The following RALGPS1 variants were observed in gnomAD, a reference collection of about 807,000 sequenced individuals.
The protein encoded by RALGPS1 is Ral GEF with PH domain and SH3 binding motif 1.
In RALGPS1, 19 loss-of-function variants were observed where a neutral mutation model predicts 78.8. That is an observed-to-expected ratio of 0.24 (90% CI 0.17 to 0.35). The LOEUF is 0.35. Among genes scored for constraint, RALGPS1 ranks in the 10% least tolerant of loss-of-function variants. RALGPS1 has a pLI of 1.00. For synonymous variants in RALGPS1, 228 were observed against 256.3 expected (o/e 0.89, Z 1.06); for missense variants, 454 against 688.3 (o/e 0.66, Z 3.81).
chr9:127,080,241 G>GA (rs2051053410), intron 8 of RALGPS1, among the ~76,000 whole-genome samples: 2 of 152,190 alleles, frequency 1.3e-5, no homozygotes, highest in African/African-American at 4.8e-5. Flanking sequence ...GTACTCAAGG[G>GA]AAACAAAGAT....
At chr9:127,094,304 G>A (rs948288841) in intron 8 of RALGPS1, among the ~76,000 whole-genome samples, 7 of 152,078 alleles carry the variant, frequency 4.6e-5, no homozygotes, top group African/African-American at 1.2e-4. Context: ...GATCTTTTTC[G>A]TGTTCATTAT....
chr9:127,033,931 A>G (rs1419274490), intron 4 of RALGPS1, among the ~76,000 whole-genome samples: 1 of 152,194 alleles, frequency 6.6e-6, no homozygotes, highest in Non-Finnish European at 1.5e-5. Context: ...CAACTTCAGG[A>G]CAGAATCTGA....
intron 4 of RALGPS1, among the ~76,000 whole-genome samples, chr9:126,989,375 C>T (rs2042082345): frequency 6.6e-6 from 1 of 152,086 alleles, no homozygotes; most frequent in Non-Finnish European, 1.5e-5. Flanking sequence ...AAGACTCAAG[C>T]CAGAGCTACA....
intron 2 of RALGPS1, among the ~76,000 whole-genome samples, chr9:126,962,661 A>G (rs1285488353): frequency 1.3e-5 from 2 of 152,262 alleles, no homozygotes; most frequent in Admixed American, 6.5e-5. Context: ...CTGATTATAA[A>G]TAAGTCACAC....
rs576272564 is a variant in RALGPS1, at chr9:126,955,151, T to C, written c.-65-7074T>C. Among the ~76,000 whole-genome samples, 7 of 152,372 alleles carry C rather than the reference T, an allele frequency of 4.6e-5. No homozygotes were observed. In the South Asian group the frequency reaches 1.5e-3, roughly 32 times the overall value. On this transcript the variant is annotated intron_variant, in intron 1 of 18. Transcript: ENST00000259351. ...ATCATCTTTCACCCTATTTCATTTCTTTAAGGCATTTATCAGTATCTTAAG... is the reference window on the plus strand; with the variant it reads ...ATCATCTTTCACCCTATTTCATTTCCTTAAGGCATTTATCAGTATCTTAAG...
chr9:127,166,841 A>G (rs2417050), intron 9 of RALGPS1, among the ~76,000 whole-genome samples: 68,808 of 151,860 alleles, frequency 0.45, 16,276 homozygotes, highest in South Asian at 0.64. Context: ...TGTAAGAGGG[A>G]TGGAGAAAAT....
intron 8 of RALGPS1, among the ~76,000 whole-genome samples, chr9:127,163,754 G>T (rs1266320063): frequency 1.3e-5 from 2 of 152,154 alleles, no homozygotes; most frequent in Non-Finnish European, 2.9e-5. Context: ...TTGTTAGAAG[G>T]ATAAATCAGA....
In RALGPS1 at chr9:126,960,319, C is replaced by T. The variant is rs2038787618; in HGVS notation, c.-65-1906C>T. On this transcript the variant is annotated intron_variant, in intron 1 of 18. Coordinates refer to ENST00000259351, the MANE Select transcript of RALGPS1 (RefSeq NM_014636.3). ...TGAGATCTTGGCTCACTGCAACCTC[C>T]GCCTCCCGGGTTCAAGCAATTCTCT... Among the ~76,000 whole-genome samples the T allele has an allele frequency of 3.3e-5, 5 of 150,854 alleles. No individual in the cohort carries two copies. The South Asian group carries it at 1.1e-3, about 32-fold the overall frequency.
chr9:126,955,162 T>G (rs771317935), intron 1 of RALGPS1, among the ~76,000 whole-genome samples: 11 of 152,224 alleles, frequency 7.2e-5, no homozygotes, highest in Admixed American at 5.2e-4. Flanking sequence ...TTAAGGCATT[T>G]ATCAGTATCT....
chr9:127,214,532 C>T (rs1037295102), intron 17 of RALGPS1, among the ~76,000 whole-genome samples: 3 of 152,168 alleles, frequency 2.0e-5, no homozygotes, highest in African/African-American at 7.2e-5. Context: ...CAGGCTTAAC[C>T]AGACAGCCAA....
chr9:126,955,635 T>G (rs1027663588), intron 1 of RALGPS1, among the ~76,000 whole-genome samples: 1 of 152,150 alleles, frequency 6.6e-6, no homozygotes, highest in African/African-American at 2.4e-5. Flanking sequence ...TTAATATATT[T>G]TAATATAATT....
chr9:126,994,147 C>T (rs1588896585), intron 4 of RALGPS1, among the ~76,000 whole-genome samples: 1 of 152,282 alleles, frequency 6.6e-6, no homozygotes, highest in South Asian at 2.1e-4. Context: ...AGGAACACAG[C>T]TCCTCACCAG....
intron 1 of RALGPS1, among the ~76,000 whole-genome samples, chr9:126,934,541 G>T (rs972602996): frequency 1.3e-5 from 2 of 152,164 alleles, no homozygotes; most frequent in African/African-American, 4.8e-5. Flanking sequence ...GGACTGAGGC[G>T]CTGCAGAGTG....
intron 1 of RALGPS1, among the ~76,000 whole-genome samples, chr9:126,957,199 G>A (rs1342029375): frequency 6.6e-6 from 1 of 152,276 alleles, no homozygotes; most frequent in African/African-American, 2.4e-5. Context: ...AGCTGAAGAA[G>A]TGGGTAGCGT....
At chr9:127,181,379 C>T (rs2060209356) in intron 11 of RALGPS1, among the ~76,000 whole-genome samples, 1 of 152,242 alleles carries the variant, frequency 6.6e-6, no homozygotes, top group Non-Finnish European at 1.5e-5. Context: ...CCAATGTCAT[C>T]CCCATTCTAC....
chr9:126,948,822 T>C (rs1221486423), intron 1 of RALGPS1, among the ~76,000 whole-genome samples: 1 of 152,124 alleles, frequency 6.6e-6, no homozygotes, highest in Non-Finnish European at 1.5e-5. Context: ...AGTTCTTTTT[T>C]TTTTTTATTA....
At chr9:127,112,742 G>A (rs141204730) in intron 8 of RALGPS1, among the ~76,000 whole-genome samples, 10 of 152,356 alleles carry the variant, frequency 6.6e-5, no homozygotes, top group South Asian at 2.1e-4. Flanking sequence ...TTAGCAATAC[G>A]ATAGCAAGAA....
rs576209789 is a variant in RALGPS1 at position 126,947,525 on chromosome 9, C to T, written c.-65-14700C>T. ...GAAACACTTCTGGTCCCAAGCATTT[C>T]GAATAAGGGATGCGCAACCTGTAGC... On this transcript the variant is annotated intron_variant, in intron 1 of 18. Coordinates refer to ENST00000259351, the MANE Select transcript of RALGPS1 (RefSeq NM_014636.3). Among the ~76,000 whole-genome samples, 5 of 152,266 alleles carry T rather than the reference C, an allele frequency of 3.3e-5. No homozygotes were observed. The East Asian group carries it at 7.7e-4, about 23-fold the overall frequency.
intron 8 of RALGPS1, among the ~76,000 whole-genome samples, chr9:127,114,493 C>T (rs552811574): frequency 2.0e-5 from 3 of 152,324 alleles, no homozygotes; most frequent in South Asian, 2.1e-4. Flanking sequence ...CTAGGCAGGA[C>T]GACGACAGGA....
Sources: gnomAD v4.1 joint callset for allele counts (sites outside exome capture counted in the v4.1 genomes callset) on GRCh38, gnomAD v4.1.1 for gene constraint, MANE v1.5 for transcripts, NCBI Gene and HGNC (gene_info 2026-07-23, HGNC 2026-07-21) for gene names.